Variants in MACROD2 observed in about 807,000 individuals in gnomAD.
The protein encoded by MACROD2 is mono-ADP ribosylhydrolase 2, also known as ADP-ribose glycohydrolase MACROD2.
Under a neutral mutation model 70.4 loss-of-function variants are expected in MACROD2, and 36 were observed. The observed-to-expected ratio is 0.51, with a 90% CI of 0.39 to 0.68. MACROD2 has a LOEUF of 0.68. Among genes scored for constraint, MACROD2 ranks in the 30% least tolerant of loss-of-function variants. The pLI is 0.00. For synonymous variants in MACROD2, 172 were observed against 178.8 expected (o/e 0.96, Z 0.30); for missense variants, 496 against 538.4 (o/e 0.92, Z 0.78).
intron 2 of MACROD2, among the ~76,000 whole-genome samples, chr20:14,083,843 G>A (rs1328159918): frequency 2.0e-5 from 3 of 151,860 alleles, no homozygotes; most frequent in Non-Finnish European, 4.4e-5. Context: ...CACTTTGGGA[G>A]GCCGAGGCGG....
intron 8 of MACROD2, among the ~76,000 whole-genome samples, chr20:15,724,014 A>C (rs181023758): frequency 6.6e-6 from 1 of 152,088 alleles, no homozygotes; most frequent in Non-Finnish European, 1.5e-5. Context: ...ATTTTATTTC[A>C]TATTTACCTG....
At chr20:14,085,012 C>T in intron 2 of MACROD2, among the ~76,000 whole-genome samples, 1 of 110,744 alleles carries the variant, frequency 9.0e-6, no homozygotes. Flanking sequence ...CCTGTAATTC[C>T]AGCTACTTGG....
intron 5 of MACROD2, among the ~76,000 whole-genome samples, chr20:14,918,625 T>G (rs911021174): frequency 1.8e-4 from 28 of 151,500 alleles, no homozygotes; most frequent in Non-Finnish European, 3.7e-4. Context: ...TTGTTTTTTT[T>G]TTTTTTTCTG....
chr20:15,036,011 A>G (rs937445878), intron 5 of MACROD2, among the ~76,000 whole-genome samples: 3 of 152,142 alleles, frequency 2.0e-5, no homozygotes, highest in African/African-American at 7.2e-5. Flanking sequence ...TGGTCTGCCT[A>G]CTTGAAACAG....
rs531844348 is a variant in MACROD2 at position 15,670,351 on chromosome 20, C to T, written c.645+170504C>T. Among the ~76,000 whole-genome samples, 6 of 152,248 alleles carry T rather than the reference C, an allele frequency of 3.9e-5. No homozygotes were observed. The East Asian group carries it at 1.2e-3, about 29-fold the overall frequency. On this transcript the variant is annotated intron_variant, in intron 8 of 17. Transcript: ENST00000684519. Reference sequence around the variant, plus strand: ...GTCAAACAGAGGCAGAAACAGAGCCCTATCCTGTTTCTGCTCAGTTGCCCA... The same window carrying T: ...GTCAAACAGAGGCAGAAACAGAGCCTTATCCTGTTTCTGCTCAGTTGCCCA...
intron 4 of MACROD2, among the ~76,000 whole-genome samples, chr20:14,656,655 G>T (rs1051753177): frequency 6.6e-6 from 1 of 152,062 alleles, no homozygotes; most frequent in Non-Finnish European, 1.5e-5. Context: ...TGACTAAAAC[G>T]CGTGTCTCCG....
chr20:14,883,895 AT>A (rs2073639810), intron 5 of MACROD2, among the ~76,000 whole-genome samples: 2 of 151,904 alleles, frequency 1.3e-5, no homozygotes, highest in African/African-American at 4.8e-5. Flanking sequence ...CTGATAAAAT[AT>A]TTTTTAAGCA....
chr20:15,088,396 T>C (rs1280478430), intron 5 of MACROD2, among the ~76,000 whole-genome samples: 1 of 99,542 alleles, frequency 1.0e-5, no homozygotes, highest in Non-Finnish European at 1.8e-5. Flanking sequence ...TATACTATAT[T>C]TTATATATAT....
intron 2 of MACROD2, among the ~76,000 whole-genome samples, chr20:14,039,167 A>AT (rs1229777128): frequency 1.3e-5 from 2 of 152,168 alleles, no homozygotes; most frequent in South Asian, 4.1e-4. Flanking sequence ...GCTTTTAAAA[A>AT]TTTTTTATGT....
intron 4 of MACROD2, among the ~76,000 whole-genome samples, chr20:14,663,565 T>TGCACAC (rs1568726796): frequency 2.5e-4 from 37 of 149,508 alleles, no homozygotes; most frequent in African/African-American, 8.4e-4. Flanking sequence ...CATGCACACA[T>TGCACAC]ATATATATAT....
In MACROD2 at chr20:15,782,717, C is replaced by CAAAAAAAAAAAAAA. The variant is rs11472322; in HGVS notation, c.646-80019_646-80006dup. ...GAGACATATGCAGATAGAGAAATGG[C>CAAAAAAAAAAAAAA]AAAAAAAAAAAAAAAAAAAAAAGTT... On this transcript the variant is annotated intron_variant, in intron 8 of 17. Transcript: ENST00000684519. Among the ~76,000 whole-genome samples the CAAAAAAAAAAAAAA allele has an allele frequency of 1.9e-3, 161 of 83,326 alleles. 11 individuals are homozygous for CAAAAAAAAAAAAAA. The highest frequency in any genetic ancestry group is 0.011 in the Middle Eastern group (1 of 92). 54.7% of individuals were successfully genotyped at this position (83,326 alleles called of 152,430 possible).
intron 3 of MACROD2, among the ~76,000 whole-genome samples, chr20:14,319,183 C>T (rs2082637878): frequency 1.3e-5 from 2 of 152,276 alleles, no homozygotes; most frequent in South Asian, 4.1e-4. Context: ...CCCCATCTTC[C>T]TTAGAGCCTG....
chr20:14,343,595 A>T (rs192881139), intron 3 of MACROD2, among the ~76,000 whole-genome samples: 80 of 152,348 alleles, frequency 5.3e-4, no homozygotes, highest in South Asian at 1.7e-3. Context: ...GTGTGCTTTA[A>T]CAATTTATCT....
Position 15,059,736 on chromosome 20 carries a change from T to C in MACROD2, c.419-170204T>C, listed in dbSNP as rs144448825. On this transcript the variant is annotated intron_variant, in intron 5 of 17. Transcript: ENST00000684519. ...AATTTCATGTGACTTCTCAAATTCATACAAAACACTTGCAAAAGAGAACAG... is the reference window on the plus strand; with the variant it reads ...AATTTCATGTGACTTCTCAAATTCACACAAAACACTTGCAAAAGAGAACAG... Among the ~76,000 whole-genome samples, 764 of 152,320 alleles carry C rather than the reference T, an allele frequency of 5.0e-3. 12 individuals carry two copies. The highest frequency in any genetic ancestry group is 0.018 in the African/African-American group (728 of 41,560).
chr20:15,004,709 C>T (rs76168754), intron 5 of MACROD2, among the ~76,000 whole-genome samples: 2 of 151,960 alleles, frequency 1.3e-5, no homozygotes, highest in Non-Finnish European at 2.9e-5. Context: ...AATTCTAGAA[C>T]TCTTTGGTTG....
chr20:14,013,674 C>CTTTTT (rs34386274), intron 2 of MACROD2, among the ~76,000 whole-genome samples: 128 of 70,982 alleles, frequency 1.8e-3, no homozygotes, highest in African/African-American at 2.0e-3. Flanking sequence ...TTATATTAAG[C>CTTTTT]TTTTTTTTTT....
chr20:15,174,819 G>A (rs1355386344), intron 5 of MACROD2, among the ~76,000 whole-genome samples: 6 of 152,238 alleles, frequency 3.9e-5, no homozygotes, highest in African/African-American at 1.4e-4. Flanking sequence ...AGAAGTGTCT[G>A]TTCATGTGCT....
At chr20:14,894,840 G>A (rs1279284737) in intron 5 of MACROD2, 1 of 152,074 alleles carries the variant, frequency 6.6e-6, no homozygotes. Context: ...AGCTTTTGTG[G>A]ATCAGGGACA....
At chr20:15,703,065 G>A (rs760998268) in intron 8 of MACROD2, among the ~76,000 whole-genome samples, 19 of 152,304 alleles carry the variant, frequency 1.2e-4, no homozygotes, top group Non-Finnish European at 2.5e-4. Context: ...TTCAATAAAC[G>A]GTGCTGGGAT....
Sources: allele counts gnomAD v4.1 joint callset (sites outside exome capture counted in the v4.1 genomes callset), GRCh38; gene constraint gnomAD v4.1.1; transcripts MANE v1.5; gene names NCBI Gene and HGNC (gene_info 2026-07-23, HGNC 2026-07-21).